GAPVD1: variants seen among roughly 807,000 people sequenced by gnomAD.
GAPVD1 encodes the protein GTPase-activating protein and VPS9 domain-containing protein 1.
In GAPVD1, 35 loss-of-function variants were observed where a neutral mutation model predicts 155.5. That is an observed-to-expected ratio of 0.23 (90% confidence interval 0.17 to 0.30). The LOEUF (loss-of-function observed/expected upper bound fraction) is 0.30. Ranked by LOEUF, GAPVD1 falls within the 10% of genes least tolerant of loss-of-function variation. GAPVD1 has a pLI of 1.00. For synonymous variants in GAPVD1, 636 were observed against 619.7 expected (o/e 1.03, Z -0.39); for missense variants, 1,429 against 1,775.7 (o/e 0.80, Z 3.51).
intron 15 of GAPVD1, among the ~76,000 whole-genome samples, chr9:125,334,849 A>G (rs962985466): frequency 6.6e-6 from 1 of 152,338 alleles, no homozygotes; most frequent in Admixed American, 6.5e-5. Context: ...AGCAACTAAT[A>G]GAGTGGAGTT....
intron 24 of GAPVD1, 32 bp downstream of exon 24, chr9:125,354,873 TC>T (rs769772141): frequency 7.1e-7 from 1 of 1,411,206 alleles, no homozygotes; most frequent in East Asian, 2.3e-5. Context: ...AAGCATCTCT[TC>T]ACCTGTAATA....
At chr9:125,292,189 A>G (rs1324535503) in intron 2 of GAPVD1, among the ~76,000 whole-genome samples, 1 of 152,258 alleles carries the variant, frequency 6.6e-6, no homozygotes, top group Admixed American at 6.5e-5. Flanking sequence ...GTGAGCCATG[A>G]TACCGCCACT....
At chr9:125,315,050 G>T (rs1843209534) in intron 9 of GAPVD1, among the ~76,000 whole-genome samples, 1 of 152,208 alleles carries the variant, frequency 6.6e-6, no homozygotes, top group East Asian at 1.9e-4. Context: ...GCCTCCCAAA[G>T]TGCTGGGATT....
intron 3 of GAPVD1, among the ~76,000 whole-genome samples, chr9:125,296,364 T>TTTTTTGTTTTTTTG (rs1391657115): frequency 1.4e-5 from 2 of 146,444 alleles, no homozygotes; most frequent in African/African-American, 5.2e-5. Flanking sequence ...TTAGGTTTTT[T>TTTTTTGTTTTTTTG]TTTTTTTTTG....
intron 2 of GAPVD1, among the ~76,000 whole-genome samples, chr9:125,293,707 A>AAATT (rs1242947874): frequency 8.0e-6 from 1 of 125,336 alleles, no homozygotes; most frequent in Non-Finnish European, 1.6e-5. Flanking sequence ...TATTAAATAT[A>AAATT]TATTTTTATA....
Position 125,298,481 on chromosome 9 carries a change from ATTTTTTTT to A in GAPVD1, c.-32-390_-32-383del, listed in dbSNP as rs34644117. Among the ~76,000 whole-genome samples the A allele has an allele frequency of 7.7e-3, 685 of 89,272 alleles. 2 individuals are homozygous for A. Among genetic ancestry groups the A allele is most frequent in the African/African-American group, 0.031 (648 of 20,986 alleles). The allele number at this position is 89,272 out of a possible 152,430, so 58.6% of individuals were successfully genotyped here. ...TAAAAGTGGCATCAAATGTAACCTA[ATTTTTTTT>A]TTTTTTTTTTTTTTTTTTGAGAACG... On this transcript the variant is annotated intron_variant, in intron 3 of 27. Transcript: ENST00000297933.
intron 2 of GAPVD1, among the ~76,000 whole-genome samples, chr9:125,279,296 C>T (rs1043238819): frequency 2.6e-5 from 4 of 151,724 alleles, no homozygotes; most frequent in African/African-American, 7.3e-5. Flanking sequence ...GAAGGCCGGC[C>T]GCAATGGCTC....
intron 1 of GAPVD1, chr9:125,263,656 T>G (rs1564227191): frequency 8.0e-6 from 8 of 1,003,328 alleles, no homozygotes; most frequent in Non-Finnish European, 1.1e-5. Context: ...AGCCCCAGCC[T>G]CAGCTTTCTT....
chr9:125,307,623 T>G, intron 7 of GAPVD1, 68 bp from the exon 8 acceptor site: 1 of 1,556,054 alleles, frequency 6.4e-7, no homozygotes, highest in Non-Finnish European at 8.9e-7. Context: ...CATGAGTACA[T>G]TGTGTGGGAA....
intron 12 of GAPVD1, among the ~76,000 whole-genome samples, chr9:125,327,899 A>G (rs897875429): frequency 6.6e-6 from 1 of 152,198 alleles, no homozygotes; most frequent in African/African-American, 2.4e-5. Flanking sequence ...CCACATGGCC[A>G]GCTTTCTTTC....
At chr9:125,310,537 ATTTT>A (rs10616987) in intron 8 of GAPVD1, among the ~76,000 whole-genome samples, 4 of 122,248 alleles carry the variant, frequency 3.3e-5, no homozygotes, top group African/African-American at 3.3e-5. Context: ...TTTTTTCTTG[ATTTT>A]TTTTTTTTTT....
At chr9:125,328,134 T>C (rs2454449) in intron 12 of GAPVD1, among the ~76,000 whole-genome samples, 1,723 of 152,030 alleles carry the variant, frequency 0.011, 27 homozygotes, top group African/African-American at 0.04. Flanking sequence ...AACACAGACG[T>C]ATAATAATGT....
chr9:125,272,546 T>G (rs1011912099), intron 2 of GAPVD1, among the ~76,000 whole-genome samples: 2 of 152,200 alleles, frequency 1.3e-5, no homozygotes, highest in African/African-American at 2.4e-5. Context: ...ATAATAGTAA[T>G]GGTAATAGCT....
chr9:125,357,812 TA>T (rs1250664919), intron 25 of GAPVD1, among the ~76,000 whole-genome samples: 2 of 151,994 alleles, frequency 1.3e-5, no homozygotes, highest in Admixed American at 1.3e-4. Flanking sequence ...GTGTCTGTAC[TA>T]AAAATACAAA....
chr9:125,288,215 G>A (rs572750276), intron 2 of GAPVD1, among the ~76,000 whole-genome samples: 1 of 150,910 alleles, frequency 6.6e-6, no homozygotes, highest in African/African-American at 2.4e-5. Flanking sequence ...GGGTTCAAGC[G>A]ATTCTCCTGC....
intron 2 of GAPVD1, among the ~76,000 whole-genome samples, chr9:125,292,619 A>G (rs1310790301): frequency 2.0e-5 from 3 of 151,902 alleles, no homozygotes; most frequent in Non-Finnish European, 4.4e-5. Context: ...TGAACTCCTG[A>G]CCTCAAGTGA....
At chr9:125,347,093 A>G (rs1848608890) in intron 20 of GAPVD1, 152 bp downstream of exon 20, 5 of 728,102 alleles carry the variant, frequency 6.9e-6, no homozygotes, top group Non-Finnish European at 1.1e-5. Flanking sequence ...GTTTAAATTG[A>G]TGTCCTTCTC....
At chr9:125,354,034 G>A (rs909427674) in intron 23 of GAPVD1, among the ~76,000 whole-genome samples, 3 of 152,208 alleles carry the variant, frequency 2.0e-5, no homozygotes, top group African/African-American at 4.8e-5. Flanking sequence ...TCTTAGTGGT[G>A]ATAGGAAAGC....
intron 2 of GAPVD1, among the ~76,000 whole-genome samples, chr9:125,293,009 A>G (rs372332870): frequency 6.6e-6 from 1 of 152,174 alleles, no homozygotes; most frequent in African/African-American, 2.4e-5. Flanking sequence ...GAGAGAGAAG[A>G]AACTTGAAGT....
Sources: gnomAD v4.1 joint callset for allele counts (sites outside exome capture counted in the v4.1 genomes callset) on GRCh38, gnomAD v4.1.1 for gene constraint, MANE v1.5 for transcripts, NCBI Gene and HGNC (gene_info 2026-07-23, HGNC 2026-07-21) for gene names.